Variants in AGAP1 observed in about 807,000 individuals in gnomAD.
The protein encoded by AGAP1 is ArfGAP with GTPase domain, ankyrin repeat and PH domain 1.
AGAP1 carries 29 observed loss-of-function variants against 105.3 expected under a neutral mutation model. That is an observed-to-expected ratio of 0.28 (90% CI 0.21 to 0.38). AGAP1 has a LOEUF of 0.38. Among genes scored for constraint, AGAP1 ranks in the 10% least tolerant of loss-of-function variants. The pLI is 1.00. For synonymous variants in AGAP1, 509 were observed against 485.9 expected (o/e 1.05, Z -0.63); for missense variants, 998 against 1,165.1 (o/e 0.86, Z 2.09).
rs1156320737 is a variant in AGAP1 at position 235,802,789 on chromosome 2, GGTGATGATGGTT to G, written c.957+3271_957+3282del. Reference sequence around the variant, plus strand: ...TTGTGATGATGGTTGTGGTTGTGATGGTGATGATGGTTGTGGTGGTGGTGGTGATGTTGTGGT... The same window carrying G: ...TTGTGATGATGGTTGTGGTTGTGATGGTGGTGGTGGTGGTGATGTTGTGGT... On this transcript the variant is annotated intron_variant, in intron 8 of 17. Coordinates refer to ENST00000304032, the MANE Select transcript of AGAP1 (RefSeq NM_001037131.3). Among the ~76,000 whole-genome samples the G allele has an allele frequency of 1.1e-4, 10 of 93,262 alleles. No homozygotes were observed. The Admixed American group carries it at 1.2e-3, about 12-fold the overall frequency. 61.2% of individuals were successfully genotyped at this position (93,262 alleles called of 152,430 possible). A position where few individuals can be genotyped will look rare whatever the true frequency, so the allele number is the denominator to read the frequency against.
In AGAP1 at chr2:235,622,925, C is replaced by T. The variant is rs1475565473; in HGVS notation, c.164-86254C>T. On this transcript the variant is annotated intron_variant, in intron 1 of 17. Transcript: ENST00000304032. This position sits in a 1 kb window ranked among gnomAD's most constrained non-coding sequence, Gnocchi z 5.0. ...CACGGTCCTATTGGCATGAGAACCA[C>T]GTCCCCAGCTATTCCCACCTGCACA... Among the ~76,000 whole-genome samples, 5 of 152,080 alleles carry T rather than the reference C, an allele frequency of 3.3e-5. No homozygotes were observed. The highest frequency in any genetic ancestry group is 7.2e-5 in the African/African-American group (3 of 41,404).
At chr2:235,892,934 C>T (rs985932854) in intron 10 of AGAP1, among the ~76,000 whole-genome samples, 1 of 152,348 alleles carries the variant, frequency 6.6e-6, no homozygotes. Context: ...ACAGACCTCC[C>T]TTTCTTACTG....
Position 236,062,482 on chromosome 2 carries a change from GTA to G in AGAP1, c.2114+13203_2114+13204del, listed in dbSNP as rs1491099869. ...GTTGTTACTTTTCATTTATTTTCAT[GTA>G]TTTTTTTTAGAAACAGAATCTCACT... On this transcript the variant is annotated intron_variant, in intron 16 of 17. Transcript: ENST00000304032. The surrounding 1 kb of genome is among the most constrained non-coding windows in gnomAD (Gnocchi z 4.2). 9.9e-6 allele frequency among the ~76,000 whole-genome samples: 1 copy of G among 100,796 alleles called. No individual in the cohort carries two copies. Among genetic ancestry groups the G allele is most frequent in the Non-Finnish European group, 2.3e-5 (1 of 44,362 alleles). 66.1% of individuals were successfully genotyped at this position (100,796 alleles called of 152,430 possible).
intron 6 of AGAP1, among the ~76,000 whole-genome samples, chr2:235,755,895 A>T (rs1333102972): frequency 6.6e-6 from 1 of 152,172 alleles, no homozygotes; most frequent in East Asian, 1.9e-4. Flanking sequence ...AGTTTTGGTG[A>T]TGGGATTTTT....
intron 1 of AGAP1, among the ~76,000 whole-genome samples, chr2:235,528,891 G>T (rs967884463): frequency 1.3e-5 from 2 of 152,110 alleles, no homozygotes; most frequent in African/African-American, 4.8e-5. Flanking sequence ...TGGTCAGCTG[G>T]TCTCAAACTC....
chr2:235,680,987 G>A (rs1481333937), intron 1 of AGAP1, among the ~76,000 whole-genome samples: 1 of 152,068 alleles, frequency 6.6e-6, no homozygotes, highest in Non-Finnish European at 1.5e-5. Context: ...GCAGTTTGCT[G>A]GCCTCTGAAA....
In AGAP1 at chr2:235,754,281, C is replaced by T. The variant is rs558616064; in HGVS notation, c.673+3793C>T. ...CAGGGCCCCTGCCTGCTCGCCGACT[C>T]AGTTTATTCACATTTCTTGATAACT... On this transcript the variant is annotated intron_variant, in intron 6 of 17. Transcript: ENST00000304032. The surrounding 1 kb of genome is among the most constrained non-coding windows in gnomAD (Gnocchi z 4.6). 2.6e-4 allele frequency among the ~76,000 whole-genome samples: 40 copies of T among 152,334 alleles called. No homozygotes were observed. Among genetic ancestry groups the T allele is most frequent in the African/African-American group, 9.1e-4 (38 of 41,578 alleles).
chr2:235,510,058 C>T (rs1942006548), intron 1 of AGAP1, among the ~76,000 whole-genome samples: 1 of 152,208 alleles, frequency 6.6e-6, no homozygotes, highest in Non-Finnish European at 1.5e-5. Flanking sequence ...TCCTGTCCCC[C>T]CCAGCTGGGA....
At position 236,009,322 on chromosome 2, in the gene AGAP1, C is replaced by T. The variant is rs953010352; in HGVS notation, c.1646-27239C>T. ...CCACGGACAAAAGATCACGGGATAC[C>T]GGGAGCACTAAACTGGAAGTGACAC... On this transcript the variant is annotated intron_variant, in intron 13 of 17. Coordinates refer to ENST00000304032, the MANE Select transcript of AGAP1 (RefSeq NM_001037131.3). The surrounding 1 kb of genome is among the most constrained non-coding windows in gnomAD (Gnocchi z 4.2). 6.6e-5 allele frequency among the ~76,000 whole-genome samples: 10 copies of T among 152,128 alleles called. No homozygotes were observed. Among genetic ancestry groups the T allele is most frequent in the Admixed American group, 2.6e-4 (4 of 15,276 alleles).
At chr2:236,048,088 T>G (rs1222851122) in intron 15 of AGAP1, among the ~76,000 whole-genome samples, 2 of 152,236 alleles carry the variant, frequency 1.3e-5, no homozygotes, top group Non-Finnish European at 2.9e-5. Context: ...TGGTCTTTTG[T>G]TGACTCTTCA....
chr2:235,538,523 T>C (rs1559233179), intron 1 of AGAP1, among the ~76,000 whole-genome samples: 2 of 151,120 alleles, frequency 1.3e-5, no homozygotes, highest in Non-Finnish European at 2.9e-5. Flanking sequence ...CCTAGGGTCC[T>C]GTTCTCTGCA....
chr2:235,683,806 G>A (rs1362770243), intron 1 of AGAP1, among the ~76,000 whole-genome samples: 4 of 151,586 alleles, frequency 2.6e-5, no homozygotes, highest in African/African-American at 2.4e-5. Flanking sequence ...CCATCAACTC[G>A]TCATTTACAT....
chr2:235,607,488 C>T (rs555503530), intron 1 of AGAP1, among the ~76,000 whole-genome samples: 2 of 152,364 alleles, frequency 1.3e-5, no homozygotes, highest in Admixed American at 6.5e-5. Flanking sequence ...TGACTTCAGG[C>T]GGCCTTGCCA....
chr2:235,865,152 TC>T lies in AGAP1; in HGVS notation c.1051-18190del, dbSNP rs1348680619. On this transcript the variant is annotated intron_variant, in intron 9 of 17. Transcript: ENST00000304032. This position sits in a 1 kb window ranked among gnomAD's most constrained non-coding sequence, Gnocchi z 6.2. ...AGCTGAATAATTCTTTTCTTTATTA[TC>T]CCAAATTACTGCTGAGCTCTGGAGA... Among the ~76,000 whole-genome samples, 1 of 152,220 alleles carries T rather than the reference TC, an allele frequency of 6.6e-6. No individual in the cohort carries two copies. Among genetic ancestry groups the T allele is most frequent in the Non-Finnish European group, 1.5e-5 (1 of 68,036 alleles).
intron 12 of AGAP1, among the ~76,000 whole-genome samples, chr2:235,945,911 TG>T (rs1575847511): frequency 3.0e-5 from 1 of 33,028 alleles, no homozygotes. Flanking sequence ...GGGGGCGATA[TG>T]GGGGGACTTG....
chr2:236,050,908 A>G lies in AGAP1; in HGVS notation c.2114+1627A>G, dbSNP rs2057876593. On this transcript the variant is annotated intron_variant, in intron 16 of 17. Coordinates refer to ENST00000304032, the MANE Select transcript of AGAP1 (RefSeq NM_001037131.3). The surrounding 1 kb of genome is among the most constrained non-coding windows in gnomAD (Gnocchi z 4.0). ...ATTTCATCTTCATTCATAAATGAAG[A>G]TTGTGTGTGCACAGGTATTTTGTAG... Among the ~76,000 whole-genome samples, 1 of 152,220 alleles carries G rather than the reference A, an allele frequency of 6.6e-6. No individual in the cohort carries two copies. Among genetic ancestry groups the G allele is most frequent in the African/African-American group, 2.4e-5 (1 of 41,466 alleles).
At chr2:235,760,525 A>G (rs921239238) in intron 6 of AGAP1, among the ~76,000 whole-genome samples, 1 of 152,240 alleles carries the variant, frequency 6.6e-6, no homozygotes, top group Non-Finnish European at 1.5e-5. Context: ...TATTATTTCA[A>G]TTATTTCATC....
intron 1 of AGAP1, among the ~76,000 whole-genome samples, chr2:235,682,797 C>CATGTGTGTGT (rs112581880): frequency 6.7e-6 from 1 of 149,462 alleles, no homozygotes; most frequent in Non-Finnish European, 1.5e-5. Flanking sequence ...TGTGTGCACA[C>CATGTGTGTGT]GTGTGTGTGT....
At chr2:235,680,030 G>A (rs1223259759) in intron 1 of AGAP1, among the ~76,000 whole-genome samples, 3 of 152,202 alleles carry the variant, frequency 2.0e-5, no homozygotes, top group South Asian at 2.1e-4. Flanking sequence ...AAAAAGCACC[G>A]TGGCTTAACC....
Sources: gnomAD v4.1 joint callset for allele counts (sites outside exome capture counted in the v4.1 genomes callset) on GRCh38, gnomAD v4.1.1 for gene constraint, Gnocchi (gnomAD v3.1) non-coding constraint, MANE v1.5 for transcripts, NCBI Gene and HGNC (gene_info 2026-07-23, HGNC 2026-07-21) for gene names.